PTPRD: variants seen among roughly 807,000 people sequenced by gnomAD.
The protein encoded by PTPRD is receptor-type tyrosine-protein phosphatase delta.
A neutral mutation model predicts 214.5 loss-of-function variants in PTPRD; 34 were observed. That is an observed-to-expected ratio of 0.16 (90% CI 0.12 to 0.21). The LOEUF is 0.21. PTPRD is among the 10% of genes least tolerant of loss of function. PTPRD has a pLI of 1.00. For synonymous variants in PTPRD, 1,128 were observed against 845.7 expected (o/e 1.33, Z -5.79); for missense variants, 2,545 against 2,398.7 (o/e 1.06, Z -1.27).
At chr9:10,010,766 G>C (rs893810823) in intron 4 of PTPRD, among the ~76,000 whole-genome samples, 1 of 151,886 alleles carries the variant, frequency 6.6e-6, no homozygotes, top group Non-Finnish European at 1.5e-5. Flanking sequence ...TGGTAATGAG[G>C]AGACCAAAAG....
intron 2 of PTPRD, among the ~76,000 whole-genome samples, chr9:10,507,034 G>A (rs891259695): frequency 6.6e-6 from 1 of 151,994 alleles, no homozygotes; most frequent in Non-Finnish European, 1.5e-5. Context: ...CAAAGGGAAT[G>A]TTTCCTGTTT....
At chr9:10,298,224 G>T (rs1596412894) in intron 3 of PTPRD, among the ~76,000 whole-genome samples, 1 of 152,066 alleles carries the variant, frequency 6.6e-6, no homozygotes, top group East Asian at 1.9e-4. Flanking sequence ...CCCTGGCAGG[G>T]AATGTAACTG....
At chr9:9,287,907 C>T (rs985328175) in intron 9 of PTPRD, among the ~76,000 whole-genome samples, 7 of 151,658 alleles carry the variant, frequency 4.6e-5, no homozygotes, top group African/African-American at 1.5e-4. Context: ...TTCTCAGATG[C>T]CTTTGAAAGC....
At chr9:9,835,188 A>G (rs575298928) in intron 5 of PTPRD, among the ~76,000 whole-genome samples, 1 of 152,258 alleles carries the variant, frequency 6.6e-6, no homozygotes, top group Non-Finnish European at 1.5e-5. Context: ...CTGCAATTTC[A>G]GTTATATTTC....
intron 11 of PTPRD, among the ~76,000 whole-genome samples, chr9:8,827,887 G>A (rs147766826): frequency 1.2e-3 from 176 of 152,260 alleles, no homozygotes; most frequent in African/African-American, 3.5e-3. Flanking sequence ...ATGTGGATGA[G>A]TATCTTCTCT....
chr9:8,668,097 G>A (rs768155030), intron 12 of PTPRD, among the ~76,000 whole-genome samples: 1 of 152,102 alleles, frequency 6.6e-6, no homozygotes, highest in African/African-American at 2.4e-5. Flanking sequence ...ACCATGTTGT[G>A]CTAGTGTAAA....
chr9:9,917,161 A>G (rs1288631745), intron 5 of PTPRD, among the ~76,000 whole-genome samples: 1 of 151,310 alleles, frequency 6.6e-6, no homozygotes, highest in Admixed American at 6.6e-5. Context: ...AAAAGAACAA[A>G]CTAAATCCAA....
chr9:10,037,478 G>C (rs1297337892), intron 3 of PTPRD, among the ~76,000 whole-genome samples: 1 of 151,354 alleles, frequency 6.6e-6, no homozygotes, highest in Non-Finnish European at 1.5e-5. Flanking sequence ...AAAGCTCCCT[G>C]AGGGCTCCCC....
intron 14 of PTPRD, among the ~76,000 whole-genome samples, chr9:8,626,363 G>C (rs1214884449): frequency 6.6e-6 from 1 of 151,600 alleles, no homozygotes; most frequent in Non-Finnish European, 1.5e-5. Flanking sequence ...CACTTATTAG[G>C]TTTATCTCCT....
chr9:9,909,053 A>G (rs765503772), intron 5 of PTPRD, among the ~76,000 whole-genome samples: 1 of 139,678 alleles, frequency 7.2e-6, no homozygotes, highest in Non-Finnish European at 1.5e-5. Context: ...TTTTTTTCAC[A>G]TATTTTCCAG....
In PTPRD at chr9:8,505,223, C is replaced by T. The variant is rs752984158; in HGVS notation, c.1678-818G>A. Among the ~76,000 whole-genome samples, 54 of 152,246 alleles carry T rather than the reference C, an allele frequency of 3.5e-4. No homozygotes were observed. In the South Asian group the frequency reaches 3.9e-3, roughly 11 times the overall value. On this transcript the variant is annotated intron_variant, in intron 22 of 45. Coordinates refer to ENST00000381196, the MANE Select transcript of PTPRD (RefSeq NM_002839.4). ...TGGGTAATCAATCTTGAACATCAGCCTGCAGTAAACCTTAAAATGCAAGTG... is the reference window on the plus strand; with the variant it reads ...TGGGTAATCAATCTTGAACATCAGCTTGCAGTAAACCTTAAAATGCAAGTG...
chr9:8,758,894 C>A (rs2154474058), intron 11 of PTPRD, among the ~76,000 whole-genome samples: 1 of 152,104 alleles, frequency 6.6e-6, no homozygotes, highest in Middle Eastern at 3.4e-3. Flanking sequence ...ACCCTGTTAG[C>A]CAGGATGGTC....
At chr9:9,674,744 G>T (rs2096897237) in intron 7 of PTPRD, among the ~76,000 whole-genome samples, 1 of 151,650 alleles carries the variant, frequency 6.6e-6, no homozygotes, top group Non-Finnish European at 1.5e-5. Flanking sequence ...TAAAATATTT[G>T]ATTTACTGGG....
At chr9:9,863,439 C>T (rs779791426) in intron 5 of PTPRD, among the ~76,000 whole-genome samples, 6 of 152,080 alleles carry the variant, frequency 3.9e-5, no homozygotes, top group Admixed American at 6.6e-5. Context: ...GTATAGTGAA[C>T]GTTGAATGTG....
At chr9:8,559,014 CT>C (rs1178745319) in intron 14 of PTPRD, among the ~76,000 whole-genome samples, 2 of 141,818 alleles carry the variant, frequency 1.4e-5, no homozygotes, top group Non-Finnish European at 2.9e-5. Flanking sequence ...AATGCCTGGC[CT>C]ACATTTACAT....
intron 12 of PTPRD, among the ~76,000 whole-genome samples, chr9:8,732,568 G>A (rs138812911): frequency 1.2e-3 from 188 of 152,288 alleles, no homozygotes; most frequent in African/African-American, 4.4e-3. Context: ...GCTGGCATTA[G>A]ACTCGAAATT....
chr9:9,680,139 C>G (rs181153167), intron 7 of PTPRD, among the ~76,000 whole-genome samples: 1 of 151,798 alleles, frequency 6.6e-6, no homozygotes, highest in Non-Finnish European at 1.5e-5. Flanking sequence ...GCTTCTCAAC[C>G]TTACAGAGAT....
At chr9:10,105,138 G>T (rs536893239) in intron 3 of PTPRD, among the ~76,000 whole-genome samples, 52 of 151,830 alleles carry the variant, frequency 3.4e-4, no homozygotes, top group African/African-American at 1.2e-3. Context: ...ACTCTTTGAG[G>T]ATGGGAATTA....
chr9:9,558,983 C>A (rs1460172684), intron 8 of PTPRD, among the ~76,000 whole-genome samples: 1 of 152,172 alleles, frequency 6.6e-6, no homozygotes, highest in Admixed American at 6.5e-5. Context: ...TACTTCAATG[C>A]TCTAAGTAGG....
Sources: gnomAD v4.1 joint callset for allele counts (sites outside exome capture counted in the v4.1 genomes callset) on GRCh38, gnomAD v4.1.1 for gene constraint, MANE v1.5 for transcripts, NCBI Gene and HGNC (gene_info 2026-07-23, HGNC 2026-07-21) for gene names.